Variants in FAM234A observed in about 807,000 individuals in gnomAD.
The protein encoded by FAM234A is protein FAM234A.
Under a neutral mutation model 49.1 loss-of-function variants are expected in FAM234A, and 42 were observed. That is an observed-to-expected ratio of 0.86 (90% confidence interval 0.67 to 1.11). The LOEUF (loss-of-function observed/expected upper bound fraction) is 1.11. FAM234A is among the 50% of genes least tolerant of loss of function. FAM234A has a pLI of 0.00. For missense variants in FAM234A, 815 were observed against 745.2 expected, an observed-to-expected ratio of 1.09 and a Z score of -1.09; for synonymous variants, 369 against 316.2, an observed-to-expected ratio of 1.17 and a Z score of -1.77.
downstream of FAM234A, chr16:266,105 G>C (rs970671737): frequency 4.4e-5 from 43 of 985,132 alleles, no homozygotes; most frequent in African/African-American, 7.2e-4. Context: ...AACCCCGGTG[G>C]TCAGGCGTGA....
At chr16:248,128 A>G (rs1311034447) in intron 1 of FAM234A, 4 of 152,102 alleles carry the variant, frequency 2.6e-5, no homozygotes, top group Admixed American at 1.3e-4. Flanking sequence ...TCTGCAGGTG[A>G]GGACACTGGA....
rs529673957 is a variant in FAM234A, at chr16:252,805, C to T, written c.-33-1576C>T. Among the ~76,000 whole-genome samples, 53 of 152,368 alleles carry T rather than the reference C, an allele frequency of 3.5e-4. No homozygotes were observed. In the South Asian group the frequency reaches 8.1e-3, roughly 23 times the overall value. ...AGCCAGCAGTCCCTTATCTCTCTGT[C>T]TTCCTGACCCTTCCCCAGAGGGTGC... On this transcript the variant is annotated intron_variant, in intron 2 of 12. Transcript: ENST00000399932.
intron 1 of FAM234A, among the ~76,000 whole-genome samples, chr16:245,553 TG>T (rs2050775208): frequency 6.6e-6 from 1 of 152,120 alleles, no homozygotes; most frequent in South Asian, 2.1e-4. Flanking sequence ...ATATTTATCC[TG>T]GTTTGTTTTG....
chr16:247,613 A>G (rs750470885), intron 1 of FAM234A, among the ~76,000 whole-genome samples: 24 of 151,430 alleles, frequency 1.6e-4, no homozygotes, highest in Non-Finnish European at 2.9e-5. Flanking sequence ...TGTATTTTTT[A>G]GTAGAGATGG....
intron 1 of FAM234A, among the ~76,000 whole-genome samples, chr16:244,029 T>C (rs569638706): frequency 2.6e-4 from 40 of 151,614 alleles, no homozygotes; most frequent in African/African-American, 7.7e-4. Flanking sequence ...AGTGCAGTGG[T>C]GCCATCTCGG....
intron 3 of FAM234A, among the ~76,000 whole-genome samples, chr16:255,673 T>A (rs1198548366): frequency 6.6e-6 from 1 of 152,218 alleles, no homozygotes; most frequent in African/African-American, 2.4e-5. Context: ...TTAGTCTTTT[T>A]ATTTTTTTAG....
chr16:243,675 GTCTT>G (rs1482592943), intron 1 of FAM234A, among the ~76,000 whole-genome samples: 2 of 152,196 alleles, frequency 1.3e-5, no homozygotes, highest in Non-Finnish European at 2.9e-5. Context: ...CAAAAAGGAA[GTCTT>G]ACCTGGAGAT....
At chr16:251,384 GTT>G (rs984445680) in intron 2 of FAM234A, among the ~76,000 whole-genome samples, 1 of 150,850 alleles carries the variant, frequency 6.6e-6, no homozygotes, top group African/African-American at 2.4e-5. Context: ...TTTTTGTTTT[GTT>G]TTTTTTGAGA....
downstream of FAM234A, among the ~76,000 whole-genome samples, chr16:266,349 G>C (rs542820266): frequency 1.2e-4 from 19 of 152,332 alleles, 1 homozygote; most frequent in African/African-American, 3.8e-4. Context: ...TGGGCACCCT[G>C]GCCCCATGCA....
chr16:245,426 C>T (rs1474380864), intron 1 of FAM234A, among the ~76,000 whole-genome samples: 1 of 152,074 alleles, frequency 6.6e-6, no homozygotes, highest in East Asian at 1.9e-4. Flanking sequence ...AGTGTGTTTC[C>T]CCTGGGCACC....
At chr16:263,563 G>A (rs1369026323) in intron 9 of FAM234A, 137 bp from the exon 10 acceptor site, 27 of 1,286,482 alleles carry the variant, frequency 2.1e-5, no homozygotes, top group Admixed American at 9.7e-5. Context: ...CCTTGCCCCA[G>A]ACGTCGGCTC....
In FAM234A at chr16:262,188, C is replaced by T; in HGVS notation, c.804C>T (p.Val268=). Reference sequence around the variant, plus strand: ...GGGAAAGTGGCTTCCTCCTTCACGTCACCAGGACAGGTGCCCACTACATCC... The same window carrying T: ...GGGAAAGTGGCTTCCTCCTTCACGTTACCAGGACAGGTGCCCACTACATCC... The part of the protein sequence containing the change: ...VDGESGFLLH[V]TRTGAHYILF... Residue 268 remains valine (V), a synonymous_variant, in exon 7 of 13, where the codon GTC becomes GTT. Coordinates refer to ENST00000399932, the MANE Select transcript of FAM234A (RefSeq NM_032039.4). The T allele has an allele frequency of 6.2e-7, 1 of 1,614,002 alleles. No homozygotes were observed. The highest frequency in any genetic ancestry group is 8.5e-7 in the Non-Finnish European group (1 of 1,180,020).
chr16:260,362 A>C, intron 5 of FAM234A: 1 of 612,168 alleles, frequency 1.6e-6, no homozygotes, highest in Non-Finnish European at 2.9e-6. Context: ...CTTCAGCTGC[A>C]CTGTGTCTGT....
intron 1 of FAM234A, chr16:247,088 A>AATTG: frequency 6.7e-6 from 1 of 149,372 alleles, no homozygotes; most frequent in South Asian, 2.1e-4. Context: ...GTGGTTTTTT[A>AATTG]ATTGATTGAT....
intron 2 of FAM234A, chr16:253,696 G>C (rs1170532318): frequency 6.6e-6 from 1 of 152,232 alleles, no homozygotes; most frequent in Non-Finnish European, 1.5e-5. Context: ...GGATGGTCTT[G>C]ATCTCCTGAC....
At chr16:240,687 A>G (rs942349463) in intron 1 of FAM234A, among the ~76,000 whole-genome samples, 8 of 152,066 alleles carry the variant, frequency 5.3e-5, no homozygotes, top group Admixed American at 2.6e-4. Context: ...CTTTTAGTAG[A>G]GATGGGGTTT....
intron 3 of FAM234A, among the ~76,000 whole-genome samples, chr16:255,417 T>C (rs1423094867): frequency 1.3e-5 from 2 of 152,070 alleles, no homozygotes; most frequent in Non-Finnish European, 2.9e-5. Flanking sequence ...CTACAAAAAA[T>C]ACAAAAATCA....
At position 265,274 on chromosome 16, in the gene FAM234A, C is replaced by A; in HGVS notation, c.*252C>A. ...CCCACACAGGGCCTCACTCTGCACC[C>A]CACCAGGGTCCCGCTCACACCAGGC... On this transcript the variant is annotated 3_prime_UTR_variant, in exon 13 of 13. Coordinates refer to ENST00000399932, the MANE Select transcript of FAM234A (RefSeq NM_032039.4). 7.6e-7 allele frequency: 1 copy of A among 1,323,518 alleles called. No homozygotes were observed. The highest frequency in any genetic ancestry group is 9.6e-7 in the Non-Finnish European group (1 of 1,036,742). The allele number at this position is 1,323,518 out of a possible 1,614,324, so 82.0% of individuals were successfully genotyped here. A position where few individuals can be genotyped will look rare whatever the true frequency, so the allele number is the denominator to read the frequency against.
At chr16:245,792 T>C (rs2050782761) in intron 1 of FAM234A, among the ~76,000 whole-genome samples, 2 of 152,342 alleles carry the variant, frequency 1.3e-5, no homozygotes, top group African/African-American at 4.8e-5. Flanking sequence ...ATAATATATT[T>C]AGTTCATCAG....
Sources: allele counts gnomAD v4.1 joint callset (sites outside exome capture counted in the v4.1 genomes callset), GRCh38; gene constraint gnomAD v4.1.1; transcripts MANE v1.5; gene names NCBI Gene and HGNC (gene_info 2026-07-23, HGNC 2026-07-21).